Variants in NLGN1 observed in about 807,000 individuals in gnomAD.
NLGN1 encodes the protein neuroligin-1.
A neutral mutation model predicts 65.5 loss-of-function variants in NLGN1; 12 were observed. The observed-to-expected ratio is 0.18, with a 90% CI of 0.12 to 0.30. The LOEUF (loss-of-function observed/expected upper bound fraction) is 0.30, where lower values mean the gene tolerates loss of function less well. Ranked by LOEUF, NLGN1 falls within the 10% of genes least tolerant of loss-of-function variation. NLGN1 has a pLI of 1.00. For synonymous variants in NLGN1, 350 were observed against 359.5 expected (o/e 0.97, Z 0.30); for missense variants, 750 against 1,007.1 (o/e 0.74, Z 3.46).
At chr3:173,647,881 G>A (rs1758525818) in intron 3 of NLGN1, among the ~76,000 whole-genome samples, 1 of 152,062 alleles carries the variant, frequency 6.6e-6, no homozygotes, top group Non-Finnish European at 1.5e-5. Flanking sequence ...AAGTATTGTT[G>A]AGATAAATCA....
At chr3:173,823,758 C>G (rs897941405) in intron 4 of NLGN1, among the ~76,000 whole-genome samples, 2 of 151,870 alleles carry the variant, frequency 1.3e-5, no homozygotes, top group Non-Finnish European at 2.9e-5. Flanking sequence ...TAATTATACA[C>G]ACCTGTTGGG....
At chr3:174,275,643 T>C (rs1207425982) in intron 5 of NLGN1, 116 bp downstream of exon 5, 4 of 655,062 alleles carry the variant, frequency 6.1e-6, no homozygotes, top group African/African-American at 5.5e-5. Flanking sequence ...TTGAACTCAA[T>C]AGTTTAAAGC....
intron 3 of NLGN1, among the ~76,000 whole-genome samples, chr3:173,656,826 CT>C (rs984208367): frequency 5.3e-5 from 8 of 151,866 alleles, no homozygotes; most frequent in Non-Finnish European, 8.8e-5. Flanking sequence ...ACAAGTAGAC[CT>C]GTAGGAAAGG....
intron 2 of NLGN1, among the ~76,000 whole-genome samples, chr3:173,448,806 G>C (rs547021002): frequency 6.6e-6 from 1 of 151,896 alleles, no homozygotes; most frequent in African/African-American, 2.4e-5. Context: ...TGTATGTGTC[G>C]AGGAATTTAT....
intron 3 of NLGN1, among the ~76,000 whole-genome samples, chr3:173,749,733 A>T (rs906460963): frequency 2.0e-5 from 3 of 152,118 alleles, no homozygotes; most frequent in African/African-American, 4.8e-5. Flanking sequence ...TCTAACAAAA[A>T]TTATTATAAC....
At chr3:173,966,644 T>C (rs1714932021) in intron 4 of NLGN1, among the ~76,000 whole-genome samples, 1 of 152,234 alleles carries the variant, frequency 6.6e-6, no homozygotes, top group Admixed American at 6.5e-5. Flanking sequence ...ATAAGTGGAC[T>C]TGATAAGTTG....
At chr3:173,484,902 T>C (rs981805859) in intron 2 of NLGN1, among the ~76,000 whole-genome samples, 1 of 152,066 alleles carries the variant, frequency 6.6e-6, no homozygotes, top group Non-Finnish European at 1.5e-5. Flanking sequence ...TGTGTTTTTC[T>C]ACTGAACTAG....
At chr3:173,802,128 T>G (rs1715567145) in intron 3 of NLGN1, among the ~76,000 whole-genome samples, 1 of 151,462 alleles carries the variant, frequency 6.6e-6, no homozygotes, top group Non-Finnish European at 1.5e-5. Context: ...ATATTTTGAT[T>G]GCTTATTTAA....
intron 3 of NLGN1, among the ~76,000 whole-genome samples, chr3:173,791,656 AC>A (rs1712789067): frequency 6.6e-6 from 1 of 152,056 alleles, no homozygotes; most frequent in Non-Finnish European, 1.5e-5. Flanking sequence ...TATTAAAAAA[AC>A]AATTGATTTA....
intron 4 of NLGN1, among the ~76,000 whole-genome samples, chr3:174,028,454 G>A (rs1729284072): frequency 1.3e-5 from 2 of 152,314 alleles, no homozygotes; most frequent in Non-Finnish European, 1.5e-5. Context: ...AAACAGACTG[G>A]TGGCATTTTG....
At chr3:173,738,647 T>G (rs1379052058) in intron 3 of NLGN1, among the ~76,000 whole-genome samples, 1 of 152,082 alleles carries the variant, frequency 6.6e-6, no homozygotes, top group Non-Finnish European at 1.5e-5. Context: ...TACTGTAACT[T>G]TGGGGTAAGT....
chr3:173,996,373 G>A (rs1416114367), intron 4 of NLGN1, among the ~76,000 whole-genome samples: 4 of 152,128 alleles, frequency 2.6e-5, no homozygotes, highest in Non-Finnish European at 4.4e-5. Context: ...ACAGATTGCC[G>A]ACTCACACCC....
chr3:173,663,242 C>T (rs972832476), intron 3 of NLGN1, among the ~76,000 whole-genome samples: 7 of 151,810 alleles, frequency 4.6e-5, no homozygotes, highest in East Asian at 1.9e-4. Flanking sequence ...TGTTGTAAGA[C>T]TTAAAATGGA....
chr3:173,450,397 T>C (rs951963718), intron 2 of NLGN1, among the ~76,000 whole-genome samples: 1 of 152,230 alleles, frequency 6.6e-6, no homozygotes, highest in Admixed American at 6.5e-5. Context: ...GCCCCCACTC[T>C]CTTCTGGCTT....
chr3:173,688,333 T>C (rs956176434), intron 3 of NLGN1, among the ~76,000 whole-genome samples: 5 of 152,126 alleles, frequency 3.3e-5, no homozygotes, highest in Admixed American at 6.6e-5. Context: ...CTTATTTCAT[T>C]TGCTGTCCTA....
intron 2 of NLGN1, among the ~76,000 whole-genome samples, chr3:173,492,462 T>A (rs887638050): frequency 2.0e-5 from 3 of 151,782 alleles, no homozygotes; most frequent in Non-Finnish European, 4.4e-5. Flanking sequence ...TCAATCAAGC[T>A]GTATTTGATT....
chr3:173,678,274 T>G (rs184586495), intron 3 of NLGN1, among the ~76,000 whole-genome samples: 1 of 152,234 alleles, frequency 6.6e-6, no homozygotes, highest in Admixed American at 6.6e-5. Context: ...AAGATGAATA[T>G]GGCATGGTTC....
intron 3 of NLGN1, among the ~76,000 whole-genome samples, chr3:173,747,246 TATATATATTTAAATATATATATCTTTAA>T (rs1469504188): frequency 6.8e-6 from 1 of 146,114 alleles, no homozygotes; most frequent in East Asian, 2.0e-4. Flanking sequence ...TATCTTTAAG[TATATATATTTAAATATATATATCTTTAA>T]GTATATATAT....
At chr3:173,784,641 GAC>G (rs1252558334) in intron 3 of NLGN1, among the ~76,000 whole-genome samples, 9 of 152,090 alleles carry the variant, frequency 5.9e-5, no homozygotes, top group African/African-American at 2.2e-4. Flanking sequence ...CAGAGAGAAA[GAC>G]ACCTTCAGAA....
Sources: allele counts gnomAD v4.1 joint callset (sites outside exome capture counted in the v4.1 genomes callset), GRCh38; gene constraint gnomAD v4.1.1; transcripts MANE v1.5; gene names NCBI Gene and HGNC (gene_info 2026-07-23, HGNC 2026-07-21).